The following TXN variants were observed in gnomAD, a reference collection of about 807,000 sequenced individuals.
The protein encoded by TXN is thioredoxin.
TXN carries 10 observed loss-of-function variants against 16.5 expected under a neutral mutation model. That is an observed-to-expected ratio of 0.61 (90% CI 0.37 to 1.03). The LOEUF (loss-of-function observed/expected upper bound fraction) is 1.03. TXN is among the 50% of genes least tolerant of loss of function. TXN has a pLI of 0.01. For synonymous variants in TXN, 35 were observed against 39.4 expected (o/e 0.89, Z 0.42); for missense variants, 71 against 122.5 (o/e 0.58, Z 1.98).
chr9:110,247,345 C>T lies in TXN; in HGVS notation c.190-2502G>A, dbSNP rs560980650. Among the ~76,000 whole-genome samples the T allele has an allele frequency of 9.5e-5, 14 of 146,792 alleles. No individual in the cohort carries two copies. In the South Asian group the frequency reaches 3.1e-3, roughly 32 times the overall value. On this transcript the variant is annotated intron_variant, in intron 3 of 4. Transcript: ENST00000374517. The stretch of plus-strand genomic sequence containing the variant: ...CTCAAAAAAAAAAAAAAAAAAGATA[C>T]ATTCAGGGTGATCAGGGTGCACCAA...
At chr9:110,249,986 C>T (rs1315725937) in intron 3 of TXN, among the ~76,000 whole-genome samples, 2 of 152,046 alleles carry the variant, frequency 1.3e-5, no homozygotes, top group Admixed American at 6.6e-5. Flanking sequence ...TGTAAAGGGC[C>T]CCGAAGTGAT....
Position 110,256,135 on chromosome 9 carries a change from C to G in TXN, c.24+277G>C, listed in dbSNP as rs920738194. On this transcript the variant is annotated intron_variant, in intron 1 of 4. Coordinates refer to ENST00000374517, the MANE Select transcript of TXN (RefSeq NM_003329.4). This position sits in a 1 kb window ranked among gnomAD's most constrained non-coding sequence, Gnocchi z 4.2. ...CGCGTGCGTGCAATCCCCCGAGGAA[C>G]AGGGTGCGAGAAACGCTGGGCACCG... Among the ~76,000 whole-genome samples the G allele has an allele frequency of 1.3e-5, 2 of 152,152 alleles. No homozygotes were observed. Among genetic ancestry groups the G allele is most frequent in the Non-Finnish European group, 2.9e-5 (2 of 67,996 alleles).
chr9:110,244,678 T>C, intron 4 of TXN, 100 bp downstream of exon 4: 3 of 1,038,788 alleles, frequency 2.9e-6, no homozygotes, highest in East Asian at 2.5e-5. Flanking sequence ...AACTTGGTGA[T>C]ATGCCTCAAT....
intron 2 of TXN, 85 bp downstream of exon 2, chr9:110,251,273 T>G: frequency 9.6e-7 from 1 of 1,042,132 alleles, no homozygotes; most frequent in Non-Finnish European, 1.5e-6. Flanking sequence ...ACCAAAATCC[T>G]TTAACTGTCT....
At chr9:110,253,485 T>C (rs1392620421) in intron 1 of TXN, among the ~76,000 whole-genome samples, 4 of 152,158 alleles carry the variant, frequency 2.6e-5, no homozygotes, top group African/African-American at 7.2e-5. Flanking sequence ...TATTGCAAGA[T>C]CCAGGTAAGA....
At chr9:110,247,790 A>AT (rs1837677625) in intron 3 of TXN, among the ~76,000 whole-genome samples, 1 of 152,090 alleles carries the variant, frequency 6.6e-6, no homozygotes, top group Admixed American at 6.6e-5. Context: ...ACTCCTACTT[A>AT]TTTTTTTAAA....
At chr9:110,247,139 A>G (rs1465740519) in intron 3 of TXN, among the ~76,000 whole-genome samples, 3 of 152,102 alleles carry the variant, frequency 2.0e-5, no homozygotes, top group Non-Finnish European at 2.9e-5. Context: ...CCTGGCCAAC[A>G]TGGCAAAATG....
chr9:110,244,327 ATATAC>A, intron 4 of TXN, 108 bp from the exon 5 acceptor site: 1 of 302,438 alleles, frequency 3.3e-6, no homozygotes, highest in Non-Finnish European at 6.0e-6. Context: ...ATATGTATAT[ATATAC>A]ATATGTATAA....
At chr9:110,253,667 A>C (rs995365134) in intron 1 of TXN, among the ~76,000 whole-genome samples, 1 of 151,670 alleles carries the variant, frequency 6.6e-6, no homozygotes, top group Non-Finnish European at 1.5e-5. Flanking sequence ...CAAGTACCTA[A>C]AATTCTGAAA....
intron 3 of TXN, among the ~76,000 whole-genome samples, chr9:110,248,597 C>T (rs1319522170): frequency 6.6e-6 from 1 of 152,124 alleles, no homozygotes; most frequent in Non-Finnish European, 1.5e-5. Context: ...GTATCCTCAT[C>T]ATTAAGTGAT....
intron 1 of TXN, among the ~76,000 whole-genome samples, chr9:110,255,902 C>A (rs931979763): frequency 6.6e-6 from 1 of 152,176 alleles, no homozygotes. Flanking sequence ...TACGGAAAGG[C>A]AGCGGCGGCC....
Position 110,256,295 on chromosome 9 carries a change from C to T in TXN, c.24+117G>A. ...GCCGCGTCCCTTTCCCCTGGCGATG[C>T]GGAGGGGCGGCCTCCGCACCTCCCG... On this transcript the variant is annotated intron_variant, in intron 1 of 4. Transcript: ENST00000374517. This position sits in a 1 kb window ranked among gnomAD's most constrained non-coding sequence, Gnocchi z 4.2. 2 of 1,124,728 alleles carry T rather than the reference C, an allele frequency of 1.8e-6. No individual in the cohort carries two copies. The highest frequency in any genetic ancestry group is 1.6e-5 in the African/African-American group (1 of 63,706). 69.7% of individuals were successfully genotyped at this position (1,124,728 alleles called of 1,614,324 possible).
chr9:110,246,454 G>A (rs1239341955), intron 3 of TXN, among the ~76,000 whole-genome samples: 1 of 152,134 alleles, frequency 6.6e-6, no homozygotes, highest in Non-Finnish European at 1.5e-5. Context: ...ACAATACCAC[G>A]AAACTGGTTT....
rs1199883186 is a variant in TXN, at chr9:110,245,648, ATATATATTTTTT to A, written c.190-817_190-806del. Among the ~76,000 whole-genome samples, 41 of 23,532 alleles carry A rather than the reference ATATATATTTTTT, an allele frequency of 1.7e-3. 2 individuals carry two copies. The East Asian group carries it at 0.026, about 15-fold the overall frequency. The allele number at this position is 23,532 out of a possible 152,430, so 15.4% of individuals were successfully genotyped here. ...TATATATATATATATATATATATAT[ATATATATTTTTT>A]TTTTTTTTTTTTTATAGGGACAAGG... On this transcript the variant is annotated intron_variant, in intron 3 of 4. Coordinates refer to ENST00000374517, the MANE Select transcript of TXN (RefSeq NM_003329.4).
At chr9:110,253,713 C>A (rs4135180) in intron 1 of TXN, among the ~76,000 whole-genome samples, 5,943 of 152,270 alleles carry the variant, frequency 0.039, 172 homozygotes, top group East Asian at 0.076. Context: ...CCTAACTGAA[C>A]ATGAGTTACA....
chr9:110,252,338 C>T (rs1053153563), intron 1 of TXN, among the ~76,000 whole-genome samples: 1 of 151,494 alleles, frequency 6.6e-6, no homozygotes. Context: ...CTTTCCCAAA[C>T]CTCAACACTC....
intron 3 of TXN, among the ~76,000 whole-genome samples, chr9:110,249,165 T>G (rs1837695956): frequency 7.1e-6 from 1 of 140,808 alleles, no homozygotes; most frequent in African/African-American, 2.7e-5. Context: ...AAAAATCAAG[T>G]TGCTATCTGA....
intron 3 of TXN, among the ~76,000 whole-genome samples, chr9:110,249,245 A>G (rs936750161): frequency 6.6e-6 from 1 of 151,552 alleles, no homozygotes; most frequent in Non-Finnish European, 1.5e-5. Context: ...GACCTTAATA[A>G]GACTAAGTTT....
At chr9:110,254,455 G>GA (rs1837780259) in intron 1 of TXN, among the ~76,000 whole-genome samples, 1 of 152,252 alleles carries the variant, frequency 6.6e-6, no homozygotes, top group African/African-American at 2.4e-5. Context: ...TCAGGAGGTG[G>GA]AGGTTGCAGT....
Sources: gnomAD v4.1 joint callset for allele counts (sites outside exome capture counted in the v4.1 genomes callset) on GRCh38, gnomAD v4.1.1 for gene constraint, Gnocchi (gnomAD v3.1) non-coding constraint, MANE v1.5 for transcripts, NCBI Gene and HGNC (gene_info 2026-07-23, HGNC 2026-07-21) for gene names.